Variants in ARID4B observed in about 807,000 individuals in gnomAD.
ARID4B encodes AT-rich interaction domain 4B.
Under a neutral mutation model 147.5 loss-of-function variants are expected in ARID4B, and 26 were observed. The observed-to-expected ratio is 0.18, with a 90% CI of 0.13 to 0.24. The LOEUF is 0.24. Ranked by LOEUF, ARID4B falls within the 10% of genes least tolerant of loss-of-function variation. The pLI is 1.00. For missense variants in ARID4B, 1,179 were observed against 1,511.5 expected, an observed-to-expected ratio of 0.78 and a Z score of 3.65; for synonymous variants, 512 against 507.9, an observed-to-expected ratio of 1.01 and a Z score of -0.11.
chr1:235,221,884 CTA>C (rs1436231903), intron 13 of ARID4B, among the ~76,000 whole-genome samples: 5 of 78,544 alleles, frequency 6.4e-5, no homozygotes, highest in Non-Finnish European at 9.8e-5. Context: ...AGTCATTTGA[CTA>C]TTTTTTTTTT....
chr1:235,220,235 G>C, intron 15 of ARID4B, 67 bp downstream of exon 15: 1 of 1,393,186 alleles, frequency 7.2e-7, no homozygotes, highest in Non-Finnish European at 9.6e-7. Context: ...ATTGATTTTG[G>C]AACTTTATAG....
chr1:235,193,018 G>A (rs933650410), intron 19 of ARID4B, among the ~76,000 whole-genome samples: 5 of 152,042 alleles, frequency 3.3e-5, no homozygotes, highest in Non-Finnish European at 5.9e-5. Flanking sequence ...GTGTGAACCC[G>A]GGAGGTGGAG....
chr1:235,194,655 T>C (rs1208118058), intron 18 of ARID4B, among the ~76,000 whole-genome samples: 4 of 152,070 alleles, frequency 2.6e-5, no homozygotes, highest in Non-Finnish European at 5.9e-5. Context: ...ACCCCGTCTC[T>C]ACTAAAAATA....
At chr1:235,246,223 T>C (rs1362760050) in intron 7 of ARID4B, among the ~76,000 whole-genome samples, 197 bp downstream of exon 7, 1 of 152,208 alleles carries the variant, frequency 6.6e-6, no homozygotes, top group African/African-American at 2.4e-5. Flanking sequence ...TGAAGGCAGA[T>C]ACAGCTGTTA....
rs11306265 is a variant in ARID4B at position 235,228,647 on chromosome 1, G to GT, written c.897+583dup. 3.5e-3 allele frequency: 426 copies of GT among 122,976 alleles called. 3 individuals carry two copies. The highest frequency in any genetic ancestry group is 5.9e-3 in the African/African-American group (197 of 33,274). The allele number at this position is 122,976 out of a possible 1,614,324, so 7.6% of individuals were successfully genotyped here. A position where few individuals can be genotyped will look rare whatever the true frequency, so the allele number is the denominator to read the frequency against. On this transcript the variant is annotated intron_variant, in intron 11 of 23. Coordinates refer to ENST00000264183, the MANE Select transcript of ARID4B (RefSeq NM_016374.6). ...GGTAAGTTTTTTTGTTTTTGTTCTC[G>GT]TTTTTTTTTTTTTTTTGAGACAGAG...
intron 2 of ARID4B, chr1:235,295,747 T>C (rs1328156853): frequency 6.0e-5 from 9 of 151,008 alleles, no homozygotes; most frequent in African/African-American, 2.2e-4. Context: ...GAGGTGGAGG[T>C]TGCGGTGAGC....
rs775654862 is a variant in ARID4B at position 235,175,342 on chromosome 1, G to A, written c.3506C>T (p.Pro1169Leu). 6.2e-7 allele frequency: 1 copy of A among 1,614,076 alleles called. No individual in the cohort carries two copies. ...CATTCCAGTGGAAACTGATTTGACTGGCTGACTCTTAGTTATACTTTCACC... is the reference window on the plus strand; with the variant it reads ...CATTCCAGTGGAAACTGATTTGACTAGCTGACTCTTAGTTATACTTTCACC... ...SAGESITKSQ[P>L]VKSVSTGMKS... Residue 1169 changes from proline (P) to leucine (L), a missense_variant, in exon 22 of 24, where the codon CCA becomes CTA. Pro to Leu is a moderately conservative substitution (Grantham distance 98). This residue lies in a region of ARID4B where 357 missense variants were observed against 427.3 expected (regional missense o/e 0.84). Coordinates refer to ENST00000264183, the MANE Select transcript of ARID4B (RefSeq NM_016374.6).
At chr1:235,241,332 C>T (rs1260626876) in intron 7 of ARID4B, among the ~76,000 whole-genome samples, 2 of 152,006 alleles carry the variant, frequency 1.3e-5, no homozygotes, top group Non-Finnish European at 2.9e-5. Context: ...TTGCAATGAT[C>T]AGTTTCACTG....
chr1:235,220,884 TTTTTTG>T (rs1262336530), intron 14 of ARID4B, among the ~76,000 whole-genome samples: 2 of 103,994 alleles, frequency 1.9e-5, no homozygotes, highest in African/African-American at 7.4e-5. Flanking sequence ...GCAGCATCCT[TTTTTTG>T]TTTTTTTTTG....
At chr1:235,271,278 C>G (rs904072596) in intron 2 of ARID4B, among the ~76,000 whole-genome samples, 9 of 152,024 alleles carry the variant, frequency 5.9e-5, no homozygotes, top group Non-Finnish European at 1.3e-4. Context: ...CTGCTTGAGC[C>G]CAGGAGGTTG....
At chr1:235,272,154 T>C (rs1442469149) in intron 2 of ARID4B, among the ~76,000 whole-genome samples, 1 of 152,180 alleles carries the variant, frequency 6.6e-6, no homozygotes, top group African/African-American at 2.4e-5. Flanking sequence ...AGTCACAAAA[T>C]TCATTCTAGA....
rs756260247 is a variant in ARID4B at position 235,182,540 on chromosome 1, A to C, written c.2379T>G (p.Thr793=). The C allele has an allele frequency of 4.3e-6, 7 of 1,612,862 alleles. No homozygotes were observed. The South Asian group carries it at 6.6e-5, about 15-fold the overall frequency. ...RKDIEVLSED[T]DYEEDEVTKK... ...TTGTGACTTCATCTTCTTCATAATC[A>C]GTATCTTCGGATAATACTTCTATAT... The change falls in exon 20 of 24, where the codon ACT becomes ACG. Residue 793 remains threonine (T), a synonymous_variant. Coordinates refer to ENST00000264183, the MANE Select transcript of ARID4B (RefSeq NM_016374.6).
intron 2 of ARID4B, among the ~76,000 whole-genome samples, chr1:235,294,917 C>T (rs1672587924): frequency 6.6e-6 from 1 of 151,566 alleles, no homozygotes; most frequent in Admixed American, 6.6e-5. Context: ...CAAAACCAAA[C>T]TGAAGTAAAT....
At chr1:235,261,274 C>T (rs1434006543) in intron 2 of ARID4B, among the ~76,000 whole-genome samples, 1 of 152,126 alleles carries the variant, frequency 6.6e-6, no homozygotes, top group African/African-American at 2.4e-5. Flanking sequence ...AATCCCAGAA[C>T]TTTGGAAGGC....
intron 19 of ARID4B, among the ~76,000 whole-genome samples, chr1:235,191,584 G>A (rs1266376802): frequency 6.6e-6 from 1 of 151,990 alleles, no homozygotes; most frequent in Non-Finnish European, 1.5e-5. Context: ...AACTGTAGTG[G>A]ACCCCTAGGT....
chr1:235,262,557 C>T (rs911258788), intron 2 of ARID4B, among the ~76,000 whole-genome samples: 8 of 152,062 alleles, frequency 5.3e-5, no homozygotes, highest in Non-Finnish European at 1.0e-4. Context: ...CTTTACCTAC[C>T]TGCCTTAGGT....
intron 17 of ARID4B, among the ~76,000 whole-genome samples, chr1:235,199,375 T>C (rs1474902224): frequency 1.6e-4 from 25 of 152,228 alleles, no homozygotes; most frequent in Admixed American, 1.6e-3. Flanking sequence ...TTTTTTTACC[T>C]TGCCAATTAT....
chr1:235,208,601 C>T (rs1291824985), intron 17 of ARID4B, among the ~76,000 whole-genome samples: 1 of 151,980 alleles, frequency 6.6e-6, no homozygotes, highest in Non-Finnish European at 1.5e-5. Context: ...CTCCCAGGTT[C>T]GAGCGATTCT....
At chr1:235,273,191 C>T (rs556054782) in intron 2 of ARID4B, among the ~76,000 whole-genome samples, 6 of 152,242 alleles carry the variant, frequency 3.9e-5, no homozygotes, top group Admixed American at 6.5e-5. Context: ...GCGTGCACCA[C>T]CCCACCCAGC....
Sources: gnomAD v4.1 joint callset for allele counts (sites outside exome capture counted in the v4.1 genomes callset) on GRCh38, gnomAD v4.1.1 for gene constraint, gnomAD v4.1.1 regional missense constraint, MANE v1.5 for transcripts, NCBI Gene and HGNC (gene_info 2026-07-23, HGNC 2026-07-21) for gene names.